Variants in ANKS1A observed in about 807,000 individuals in gnomAD.
ANKS1A encodes ankyrin repeat and sterile alpha motif domain containing 1A.
Under a neutral mutation model 120.3 loss-of-function variants are expected in ANKS1A, and 55 were observed. That is an observed-to-expected ratio of 0.46 (90% CI 0.37 to 0.57). The LOEUF (loss-of-function observed/expected upper bound fraction) is 0.57, where lower values mean the gene tolerates loss of function less well. Among genes scored for constraint, ANKS1A ranks in the 20% least tolerant of loss-of-function variants. The probability of loss-of-function intolerance (pLI) is 0.00; values close to 1 mark genes in which losing one functional copy is unlikely to be tolerated. For synonymous variants in ANKS1A, 590 were observed against 604.7 expected (o/e 0.98, Z 0.36); for missense variants, 1,123 against 1,480.3 (o/e 0.76, Z 3.96).
intron 1 of ANKS1A, among the ~76,000 whole-genome samples, chr6:34,890,458 CTT>C (rs753422263): frequency 1.3e-5 from 2 of 152,206 alleles, no homozygotes; most frequent in Non-Finnish European, 2.9e-5. Flanking sequence ...TTGAGCCTCT[CTT>C]GTGCTTGAAG....
rs547040716 is a variant in ANKS1A at position 34,968,314 on chromosome 6, C to T, written c.278+995C>T. Among the ~76,000 whole-genome samples, 26 of 152,158 alleles carry T rather than the reference C, an allele frequency of 1.7e-4. No individual in the cohort carries two copies. The South Asian group carries it at 2.9e-3, about 17-fold the overall frequency. ...TGCCCAGCAAAGGGGCAGGCATTGT[C>T]GGGGAGCACAGTGAGTGGGTTTGCC... On this transcript the variant is annotated intron_variant, in intron 2 of 23. Transcript: ENST00000360359.
At position 34,982,913 on chromosome 6, in the gene ANKS1A, C is replaced by A; in HGVS notation, c.808+86C>A. On this transcript the variant is annotated intron_variant, in intron 5 of 23. Transcript: ENST00000360359. This position sits in a 1 kb window ranked among gnomAD's most constrained non-coding sequence, Gnocchi z 4.9. ...AGTCCCCTAGGGGGATTTTTGCTGG[C>A]TGTGTTTGAACTCAATGTATGTGTA... 2 of 1,548,986 alleles carry A rather than the reference C, an allele frequency of 1.3e-6. No homozygotes were observed. Among genetic ancestry groups the A allele is most frequent in the South Asian group, 1.1e-5 (1 of 89,422 alleles).
At chr6:34,988,368 G>C (rs186336672) in intron 8 of ANKS1A, among the ~76,000 whole-genome samples, 107 of 152,300 alleles carry the variant, frequency 7.0e-4, no homozygotes, top group Non-Finnish European at 1.4e-3. Flanking sequence ...AGGCCAAGGC[G>C]GGTGGATCAC....
At chr6:35,070,686 G>A (rs952685705) in intron 13 of ANKS1A, among the ~76,000 whole-genome samples, 5 of 151,730 alleles carry the variant, frequency 3.3e-5, no homozygotes, top group African/African-American at 7.3e-5. Context: ...GTTTTTCACC[G>A]TGTTAGCCTG....
At chr6:35,065,277 C>G (rs1323368178) in intron 13 of ANKS1A, among the ~76,000 whole-genome samples, 1 of 152,144 alleles carries the variant, frequency 6.6e-6, no homozygotes, top group Non-Finnish European at 1.5e-5. Flanking sequence ...CACTCAGGAG[C>G]CCTCCTCTGA....
At chr6:34,917,062 C>G (rs561501717) in intron 1 of ANKS1A, among the ~76,000 whole-genome samples, 1 of 152,198 alleles carries the variant, frequency 6.6e-6, no homozygotes, top group African/African-American at 2.4e-5. Context: ...CTGGGCATCT[C>G]TCTTTTGGGG....
At chr6:34,933,290 G>A (rs847855) in intron 1 of ANKS1A, among the ~76,000 whole-genome samples, 15,048 of 152,228 alleles carry the variant, frequency 0.099, 1,638 homozygotes, top group African/African-American at 0.27. Flanking sequence ...TGTCTTTGGC[G>A]AAATAGATTT....
At chr6:35,014,143 G>T (rs1220418541) in intron 10 of ANKS1A, among the ~76,000 whole-genome samples, 1 of 152,154 alleles carries the variant, frequency 6.6e-6, no homozygotes, top group African/African-American at 2.4e-5. Context: ...GCAGAAGGAA[G>T]AAACCATTGA....
At chr6:34,973,088 C>A (rs1347175552) in intron 3 of ANKS1A, among the ~76,000 whole-genome samples, 1 of 152,112 alleles carries the variant, frequency 6.6e-6, no homozygotes, top group Non-Finnish European at 1.5e-5. Flanking sequence ...GAAATGGAAT[C>A]TGATTTTCAG....
At chr6:34,911,958 C>T (rs1222490907) in intron 1 of ANKS1A, among the ~76,000 whole-genome samples, 2 of 152,218 alleles carry the variant, frequency 1.3e-5, no homozygotes, top group African/African-American at 4.8e-5. Context: ...TTCTAGTTTT[C>T]AGGTTGTGTT....
chr6:35,029,563 T>C (rs1422906035), intron 11 of ANKS1A, among the ~76,000 whole-genome samples: 1 of 151,708 alleles, frequency 6.6e-6, no homozygotes, highest in Non-Finnish European at 1.5e-5. Context: ...TAGGCCAGGC[T>C]GGTCTGGAAC....
intron 3 of ANKS1A, among the ~76,000 whole-genome samples, chr6:34,977,155 G>C (rs1771644445): frequency 6.6e-6 from 1 of 152,106 alleles, no homozygotes; most frequent in African/African-American, 2.4e-5. Context: ...GTTTTTAAGA[G>C]CACAGGGCAG....
intron 23 of ANKS1A, among the ~76,000 whole-genome samples, chr6:35,087,434 A>C (rs2127617595): frequency 6.6e-6 from 1 of 152,246 alleles, no homozygotes; most frequent in African/African-American, 2.4e-5. Context: ...ATAGCTCCCC[A>C]GGGTTGGGCT....
intron 23 of ANKS1A, among the ~76,000 whole-genome samples, chr6:35,088,079 C>T (rs544749874): frequency 4.3e-4 from 65 of 152,382 alleles, no homozygotes; most frequent in Admixed American, 1.8e-3. Flanking sequence ...CCTCTGGGAG[C>T]TTTCTGACAC....
At chr6:34,930,008 GATTT>G (rs946037723) in intron 1 of ANKS1A, among the ~76,000 whole-genome samples, 7 of 152,068 alleles carry the variant, frequency 4.6e-5, no homozygotes, top group African/African-American at 1.7e-4. Flanking sequence ...TCATGAATGG[GATTT>G]TTCTTTTTAG....
At chr6:35,027,530 T>TATCTCTAACACA (rs1774689939) in intron 11 of ANKS1A, among the ~76,000 whole-genome samples, 6 of 152,192 alleles carry the variant, frequency 3.9e-5, no homozygotes, top group African/African-American at 1.4e-4. Flanking sequence ...TTTAGAGATA[T>TATCTCTAACACA]GCTGTGTGGT....
At chr6:35,011,348 T>G (rs35233923) in intron 10 of ANKS1A, among the ~76,000 whole-genome samples, 22,304 of 152,118 alleles carry the variant, frequency 0.15, 1,946 homozygotes, top group African/African-American at 0.22. Flanking sequence ...AATATGCTAT[T>G]AAATTAGGCA....
rs1157120415 is a variant in ANKS1A, at chr6:35,088,147, C to T, written c.3402-459C>T. Among the ~76,000 whole-genome samples, 5 of 152,376 alleles carry T rather than the reference C, an allele frequency of 3.3e-5. No individual in the cohort carries two copies. The East Asian group carries it at 9.6e-4, about 29-fold the overall frequency. On this transcript the variant is annotated intron_variant, in intron 23 of 23. Transcript: ENST00000360359. ...CCGTCCAGCATGCCCCTGACCACCTCCCTCAGCCTCCTGACTCCTCCGAAA... is the reference window on the plus strand; with the variant it reads ...CCGTCCAGCATGCCCCTGACCACCTTCCTCAGCCTCCTGACTCCTCCGAAA...
At chr6:34,920,310 C>T (rs758752411) in intron 1 of ANKS1A, among the ~76,000 whole-genome samples, 16 of 151,880 alleles carry the variant, frequency 1.1e-4, no homozygotes, top group Admixed American at 2.0e-4. Context: ...CGAACTTTTG[C>T]GCTCAAGCAG....
Sources: gnomAD v4.1 joint callset for allele counts (sites outside exome capture counted in the v4.1 genomes callset) on GRCh38, gnomAD v4.1.1 for gene constraint, Gnocchi (gnomAD v3.1) non-coding constraint, MANE v1.5 for transcripts, NCBI Gene and HGNC (gene_info 2026-07-23, HGNC 2026-07-21) for gene names.